Variants in ARAP1 observed in about 807,000 individuals in gnomAD.
ARAP1 encodes arf-GAP with Rho-GAP domain, ANK repeat and PH domain-containing protein 1.
A neutral mutation model predicts 172.2 loss-of-function variants in ARAP1; 76 were observed. That is an observed-to-expected ratio of 0.44 (90% CI 0.37 to 0.53). ARAP1 has a LOEUF of 0.53. ARAP1 is among the 20% of genes least tolerant of loss of function. The pLI is 0.00. For missense variants in ARAP1, 1,686 were observed against 1,977.5 expected (o/e 0.85, Z 2.80); for synonymous variants, 804 against 803.3 (o/e 1.00, Z -0.01).
chr11:72,710,125 G>C lies in ARAP1; in HGVS notation c.1417-149C>G. 3.7e-6 allele frequency: 3 copies of C among 812,838 alleles called. No individual in the cohort carries two copies. The highest frequency in any genetic ancestry group is 4.1e-6 in the Non-Finnish European group (2 of 490,284). 50.4% of individuals were successfully genotyped at this position (812,838 alleles called of 1,614,324 possible). On this transcript the variant is annotated intron_variant, in intron 10 of 34. Transcript: ENST00000393609. This position sits in a 1 kb window ranked among gnomAD's most constrained non-coding sequence, Gnocchi z 4.3. ...GCAGGGGACATGGGAGGCTGGGCAG[G>C]GTAAGGGGCTGCAGGTTCAGGGCCC...
At chr11:72,701,042 T>TAGTC (rs1856459127) in intron 16 of ARAP1, among the ~76,000 whole-genome samples, 1 of 152,002 alleles carries the variant, frequency 6.6e-6, no homozygotes, top group Non-Finnish European at 1.5e-5. Flanking sequence ...TTGCATAAGG[T>TAGTC]AGTCAGAGAT....
chr11:72,713,885 CCATGGAAAAT>C (rs889032468), intron 4 of ARAP1, among the ~76,000 whole-genome samples: 9 of 151,968 alleles, frequency 5.9e-5, no homozygotes, highest in Admixed American at 1.3e-4. Context: ...CCACCCAACA[CCATGGAAAAT>C]CAGACCATGG....
At chr11:72,697,835 C>T in intron 19 of ARAP1, 76 bp downstream of exon 19, 1 of 1,490,686 alleles carries the variant, frequency 6.7e-7, no homozygotes, top group South Asian at 1.4e-5. Flanking sequence ...GTTCAGATTT[C>T]CAGGCAAGGG....
chr11:72,721,311 G>A (rs1264264664), intron 3 of ARAP1, among the ~76,000 whole-genome samples: 1 of 152,230 alleles, frequency 6.6e-6, no homozygotes, highest in South Asian at 2.1e-4. Context: ...CACAGCACCA[G>A]TCCTGGGGAG....
At position 72,740,814 on chromosome 11, in the gene ARAP1, G is replaced by A. The variant is rs147407736; in HGVS notation, c.-127-8217C>T. Reference sequence around the variant, plus strand: ...TGAGGCTCATTAATAAACTCGAGACGCCAGGGTCCCCGAGGTTTGTCCTCA... The same window carrying A: ...TGAGGCTCATTAATAAACTCGAGACACCAGGGTCCCCGAGGTTTGTCCTCA... On this transcript the variant is annotated intron_variant, in intron 1 of 34. Transcript: ENST00000393609. Among the ~76,000 whole-genome samples, 45 of 152,160 alleles carry A rather than the reference G, an allele frequency of 3.0e-4. No homozygotes were observed. The East Asian group carries it at 8.1e-3, about 27-fold the overall frequency.
At chr11:72,751,503 A>G (rs1182562692) in intron 1 of ARAP1, among the ~76,000 whole-genome samples, 1 of 150,598 alleles carries the variant, frequency 6.6e-6, no homozygotes, top group Non-Finnish European at 1.5e-5. Flanking sequence ...GCCTCTGGGG[A>G]CTCTCCGCGA....
In ARAP1 at chr11:72,707,159, AC is replaced by A; in HGVS notation, c.1723+15del. Reference sequence around the variant, plus strand: ...CGCCATGCCTCTGCCTGGTGCCCCGACCCCCATGCACACACCTGCACAGCGC... The same window carrying A: ...CGCCATGCCTCTGCCTGGTGCCCCGACCCCATGCACACACCTGCACAGCGC... On this transcript the variant is annotated intron_variant, in intron 12 of 34. Transcript: ENST00000393609. 2 of 1,545,342 alleles carry A rather than the reference AC, an allele frequency of 1.3e-6. No homozygotes were observed. Among genetic ancestry groups the A allele is most frequent in the Non-Finnish European group, 8.8e-7 (1 of 1,140,138 alleles).
chr11:72,709,284 TC>T (rs1856904498), intron 11 of ARAP1, among the ~76,000 whole-genome samples: 1 of 152,124 alleles, frequency 6.6e-6, no homozygotes, highest in East Asian at 1.9e-4. Flanking sequence ...TACAAACACT[TC>T]CCCAGGAAAC....
At position 72,697,461 on chromosome 11, in the gene ARAP1, G is replaced by A. The variant is rs752155584; in HGVS notation, c.2815C>T (p.Arg939Trp). The A allele has an allele frequency of 1.9e-5, 30 of 1,613,366 alleles. No individual in the cohort carries two copies. Among genetic ancestry groups the A allele is most frequent in the Non-Finnish European group, 2.4e-5 (28 of 1,179,878 alleles). Residue 939 changes from arginine to tryptophan, a missense_variant, in exon 21 of 35, where the codon CGG becomes TGG. Physicochemically the swap from Arg to Trp is moderately radical, Grantham distance 101. Coordinates refer to ENST00000393609, the MANE Select transcript of ARAP1 (RefSeq NM_001040118.3). ...CCCAGCCAACCCATGAAGTCCAGCCGCCGCTCGCCCTGTATGTACAGTGTC... is the reference window on the plus strand; with the variant it reads ...CCCAGCCAACCCATGAAGTCCAGCCACCGCTCGCCCTGTATGTACAGTGTC... ...RRTLYIQGER[R>W]LDFMGWLGAI...
At chr11:72,705,637 T>C in intron 13 of ARAP1, 168 bp downstream of exon 13, 1 of 614,334 alleles carries the variant, frequency 1.6e-6, no homozygotes, top group Non-Finnish European at 2.8e-6. Flanking sequence ...GTTTGCTGAC[T>C]TTGCCAAAAA....
rs1014171536 is a variant in ARAP1, at chr11:72,741,810, C to T, written c.-127-9213G>A. Among the ~76,000 whole-genome samples the T allele has an allele frequency of 2.7e-4, 41 of 152,230 alleles. No homozygotes were observed. The highest frequency in any genetic ancestry group is 9.6e-4 in the African/African-American group (40 of 41,528). The stretch of plus-strand genomic sequence containing the variant: ...GGCCGAGGGCCAGCACCCACCCTGC[C>T]CCAAGAGGGAAGGGGAGGCCGCCAA... On this transcript the variant is annotated intron_variant, in intron 1 of 34. Coordinates refer to ENST00000393609, the MANE Select transcript of ARAP1 (RefSeq NM_001040118.3). The surrounding 1 kb of genome is among the most constrained non-coding windows in gnomAD (Gnocchi z 4.5).
Position 72,699,572 on chromosome 11 carries a change from G to C in ARAP1, c.2303-20C>G, listed in dbSNP as rs754850776. On this transcript the variant is annotated intron_variant, in intron 16 of 34. Transcript: ENST00000393609. This position sits in a 1 kb window ranked among gnomAD's most constrained non-coding sequence, Gnocchi z 4.2. ...TGAACTCTGGGGAGAATTTGGGCAG[G>C]GGAGCCATCAGGGAGCCCCCCACCA... 46 of 1,606,252 alleles carry C rather than the reference G, an allele frequency of 2.9e-5. No individual in the cohort carries two copies. Among genetic ancestry groups the C allele is most frequent in the Non-Finnish European group, 3.9e-5 (46 of 1,176,640 alleles).
Position 72,693,194 on chromosome 11 carries a change from T to C in ARAP1, c.3954+131A>G. The C allele has an allele frequency of 1.5e-6, 2 of 1,350,664 alleles. No homozygotes were observed. Among genetic ancestry groups the C allele is most frequent in the Non-Finnish European group, 2.0e-6 (2 of 997,816 alleles). 83.7% of individuals were successfully genotyped at this position (1,350,664 alleles called of 1,614,324 possible). A position where few individuals can be genotyped will look rare whatever the true frequency, so the allele number is the denominator to read the frequency against. On this transcript the variant is annotated intron_variant, in intron 29 of 34. Transcript: ENST00000393609. This position sits in a 1 kb window ranked among gnomAD's most constrained non-coding sequence, Gnocchi z 4.6. ...AGGAGGGGTCTTGAGAGTCTACAGT[T>C]CTCCCCCACTGCTGTGCCATCCTGA...
At position 72,702,208 on chromosome 11, in the gene ARAP1, G is replaced by C. The variant is rs571304076; in HGVS notation, c.2168-425C>G. 5.9e-5 allele frequency among the ~76,000 whole-genome samples: 9 copies of C among 152,230 alleles called. No individual in the cohort carries two copies. In the East Asian group the frequency reaches 1.5e-3, roughly 26 times the overall value. ...CTGTTCCCCACGGTCAGCGCCGTGG[G>C]GGGGCGGTGATCTGTCCCCAAGCCC... On this transcript the variant is annotated intron_variant, in intron 15 of 34. Transcript: ENST00000393609.
At position 72,693,510 on chromosome 11, in the gene ARAP1, C is replaced by A. The variant is rs1460448201; in HGVS notation, c.3809-40G>T. The A allele has an allele frequency of 1.9e-6, 3 of 1,592,662 alleles. No individual in the cohort carries two copies. The highest frequency in any genetic ancestry group is 2.6e-6 in the Non-Finnish European group (3 of 1,166,252). On this transcript the variant is annotated intron_variant, in intron 28 of 34. Transcript: ENST00000393609. The surrounding 1 kb of genome is among the most constrained non-coding windows in gnomAD (Gnocchi z 4.6). ...TGGAGTGGGCACAGGCTGCACCAAC[C>A]CCTACCCGGGGCTGGGTCCCAGGAT...
intron 2 of ARAP1, among the ~76,000 whole-genome samples, chr11:72,728,421 A>T (rs557124289): frequency 6.6e-6 from 1 of 152,226 alleles, no homozygotes; most frequent in East Asian, 1.9e-4. Context: ...TCTTTACTAG[A>T]ATACAAAAAA....
chr11:72,686,108 G>C lies in ARAP1; in HGVS notation c.4269C>G (p.Ile1423Met). Reference sequence around the variant, plus strand: ...TTTCATTTTCACTACCTCGAAGGGGGATCAGTGACACACTACCCAGCCGGA... The same window carrying C: ...TTTCATTTTCACTACCTCGAAGGGGCATCAGTGACACACTACCCAGCCGGA... The part of the protein sequence containing the change: ...PEVRLGSVSL[I>M]PLRGSENEMR... The change falls in exon 34 of 35, where the codon ATC (isoleucine) becomes ATG (methionine). Residue 1423 changes from isoleucine to methionine, a missense_variant. Around this residue, in one of 5 missense-constraint regions of ARAP1, gnomAD observed 379 missense variants for 500.1 expected, o/e 0.76. Coordinates refer to ENST00000393609, the MANE Select transcript of ARAP1 (RefSeq NM_001040118.3). 6.2e-7 allele frequency: 1 copy of C among 1,614,074 alleles called. No individual in the cohort carries two copies. The highest frequency in any genetic ancestry group is 8.5e-7 in the Non-Finnish European group (1 of 1,180,034).
rs1364667319 is a variant in ARAP1 at position 72,697,499 on chromosome 11, C to G, written c.2790-13G>C. On this transcript the variant is annotated splice_polypyrimidine_tract_variant and intron_variant, in intron 20 of 34. Coordinates refer to ENST00000393609, the MANE Select transcript of ARAP1 (RefSeq NM_001040118.3). ...TATGTACAGTGTCCTGGGCCAGGGA[C>G]AGTCAGTCACTGAGGGGCCTACACC... The G allele has an allele frequency of 1.2e-6, 2 of 1,612,108 alleles. No individual in the cohort carries two copies. Among genetic ancestry groups the G allele is most frequent in the Non-Finnish European group, 1.7e-6 (2 of 1,178,740 alleles).
intron 1 of ARAP1, among the ~76,000 whole-genome samples, chr11:72,733,193 C>A (rs747939488): frequency 5.3e-5 from 8 of 152,154 alleles, no homozygotes; most frequent in African/African-American, 1.4e-4. Context: ...GGAGTCAGGA[C>A]TTCCCCACTC....
Sources: allele counts gnomAD v4.1 joint callset (sites outside exome capture counted in the v4.1 genomes callset), GRCh38; gene constraint gnomAD v4.1.1; regional missense constraint gnomAD v4.1.1; non-coding constraint Gnocchi (gnomAD v3.1); transcripts MANE v1.5; gene names NCBI Gene and HGNC (gene_info 2026-07-23, HGNC 2026-07-21).